Variants in FAM178B observed in about 807,000 individuals in gnomAD.
The protein encoded by FAM178B is family with sequence similarity 178 member B, also known as protein FAM178B.
In FAM178B, 82 loss-of-function variants were observed where a neutral mutation model predicts 91.7. The ratio of observed to expected loss-of-function variants is 0.89; its 90% confidence interval spans 0.75 to 1.07. The LOEUF (loss-of-function observed/expected upper bound fraction) is 1.07, where lower values mean the gene tolerates loss of function less well. Among genes scored for constraint, FAM178B ranks in the 50% least tolerant of loss-of-function variants. The probability of loss-of-function intolerance (pLI) is 0.00; values close to 1 mark genes in which losing one functional copy is unlikely to be tolerated. For missense variants in FAM178B, 769 were observed against 846.7 expected (o/e 0.91, Z 1.14); for synonymous variants, 368 against 359.4 (o/e 1.02, Z -0.27).
At chr2:96,935,944 A>C (rs2081618539) in intron 8 of FAM178B, among the ~76,000 whole-genome samples, 1 of 150,454 alleles carries the variant, frequency 6.6e-6, no homozygotes, top group Non-Finnish European at 1.5e-5. Context: ...CCATTTGTTA[A>C]AATCCATAGA....
chr2:96,896,658 C>G lies in FAM178B; in HGVS notation c.1651-2607G>C, dbSNP rs145645651. Among the ~76,000 whole-genome samples, 402 of 152,270 alleles carry G rather than the reference C, an allele frequency of 2.6e-3. 4 individuals carry two copies. Among genetic ancestry groups the G allele is most frequent in the African/African-American group, 9.3e-3 (388 of 41,562 alleles). ...GCAACTGGCCACACAGCATGTTGCT[C>G]CTGGGTGCAAATCCTGGCTTCCTCC... On this transcript the variant is annotated intron_variant, in intron 13 of 16. Transcript: ENST00000490605.
Position 96,876,086 on chromosome 2 carries a change from G to A in FAM178B, c.*190C>T, listed in dbSNP as rs925303318. Reference sequence around the variant, plus strand: ...TCCCTTGCTGAGAGGAGAGGGGGTCGGGGCGGTGGCAGAGGCAGGCTCTTG... The same window carrying A: ...TCCCTTGCTGAGAGGAGAGGGGGTCAGGGCGGTGGCAGAGGCAGGCTCTTG... On this transcript the variant is annotated 3_prime_UTR_variant, in exon 17 of 17. Transcript: ENST00000490605. 14 of 605,574 alleles carry A rather than the reference G, an allele frequency of 2.3e-5. No individual in the cohort carries two copies. The highest frequency in any genetic ancestry group is 3.2e-5 in the Non-Finnish European group (11 of 343,284). 37.5% of individuals were successfully genotyped at this position (605,574 alleles called of 1,614,324 possible).
At chr2:96,937,184 C>A (rs1349005424) in intron 8 of FAM178B, among the ~76,000 whole-genome samples, 1 of 152,202 alleles carries the variant, frequency 6.6e-6, no homozygotes, top group East Asian at 1.9e-4. Flanking sequence ...GTGTGAACCA[C>A]CACACCTGGC....
At chr2:96,979,210 C>T (rs960870198) in intron 1 of FAM178B, among the ~76,000 whole-genome samples, 6 of 150,550 alleles carry the variant, frequency 4.0e-5, no homozygotes, top group Non-Finnish European at 5.9e-5. Flanking sequence ...CTCCTGACCT[C>T]GTGATCTGCC....
intron 14 of FAM178B, among the ~76,000 whole-genome samples, chr2:96,889,480 A>C (rs1408688107): frequency 6.6e-6 from 1 of 151,920 alleles, no homozygotes; most frequent in Non-Finnish European, 1.5e-5. Flanking sequence ...GGAGTTTGAG[A>C]CCAGCCCGGC....
At chr2:96,957,548 C>T (rs1438230033) in intron 6 of FAM178B, among the ~76,000 whole-genome samples, 1 of 152,246 alleles carries the variant, frequency 6.6e-6, no homozygotes, top group Admixed American at 6.5e-5. Context: ...TTTGGCAGGC[C>T]TGCTCTGATC....
intron 1 of FAM178B, chr2:96,978,008 G>A (rs1287578195): frequency 1.9e-5 from 8 of 418,570 alleles, no homozygotes; most frequent in Admixed American, 5.6e-5. Flanking sequence ...AGGAGAAAAC[G>A]TCATTGCTAA....
chr2:96,986,173 AG>A, intron 1 of FAM178B, 67 bp downstream of exon 1: 3 of 1,530,112 alleles, frequency 2.0e-6, no homozygotes, highest in African/African-American at 1.4e-5. Flanking sequence ...CAGGAGTCCC[AG>A]GGAAGTCGAG....
intron 1 of FAM178B, chr2:96,977,666 A>G (rs2082309124): frequency 2.8e-6 from 1 of 354,858 alleles, no homozygotes; most frequent in African/African-American, 2.1e-5. Context: ...CACCAAGAAG[A>G]ATTCCATACA....
intron 9 of FAM178B, among the ~76,000 whole-genome samples, chr2:96,925,666 C>A (rs1454762346): frequency 6.6e-6 from 1 of 152,124 alleles, no homozygotes; most frequent in Admixed American, 6.5e-5. Context: ...TCACTGGTCC[C>A]ACGCCTGGCT....
chr2:96,903,153 C>T (rs964736643), intron 12 of FAM178B, among the ~76,000 whole-genome samples: 1 of 152,222 alleles, frequency 6.6e-6, no homozygotes, highest in Admixed American at 6.5e-5. Context: ...CATTCTCCTG[C>T]CTCAGCCTCC....
At chr2:96,886,132 G>A (rs369934748) in intron 14 of FAM178B, among the ~76,000 whole-genome samples, 2 of 152,182 alleles carry the variant, frequency 1.3e-5, no homozygotes, top group Admixed American at 6.5e-5. Context: ...TGAACCACAG[G>A]GATGCTGCAC....
At chr2:96,923,037 C>G (rs1208086654) in intron 10 of FAM178B, among the ~76,000 whole-genome samples, 1 of 152,172 alleles carries the variant, frequency 6.6e-6, no homozygotes, top group African/African-American at 2.4e-5. Flanking sequence ...GGTGCCATCT[C>G]GGCTCACTAC....
intron 14 of FAM178B, among the ~76,000 whole-genome samples, chr2:96,888,812 G>T (rs1449792062): frequency 6.6e-6 from 1 of 152,198 alleles, no homozygotes; most frequent in African/African-American, 2.4e-5. Flanking sequence ...TACTCAGAAT[G>T]AGCATGAACG....
At chr2:96,900,087 T>C (rs1484595031) in intron 13 of FAM178B, among the ~76,000 whole-genome samples, 1 of 151,992 alleles carries the variant, frequency 6.6e-6, no homozygotes, top group Non-Finnish European at 1.5e-5. Flanking sequence ...TGAAGCAAAA[T>C]GCCAAGCCTT....
intron 4 of FAM178B, among the ~76,000 whole-genome samples, chr2:96,968,076 T>C (rs1235861016): frequency 6.6e-6 from 1 of 151,580 alleles, no homozygotes; most frequent in Non-Finnish European, 1.5e-5. Flanking sequence ...AGGCAAGCAC[T>C]CGGATTCGTT....
intron 5 of FAM178B, 90 bp from the exon 6 acceptor site, chr2:96,960,530 G>A: frequency 2.9e-6 from 4 of 1,386,294 alleles, no homozygotes; most frequent in Non-Finnish European, 3.9e-6. Flanking sequence ...ATAGAGGGGG[G>A]CCACGGGCTC....
Position 96,974,617 on chromosome 2 carries a change from AT to A in FAM178B, c.74-2012del. Among the ~76,000 whole-genome samples the A allele has an allele frequency of 1.3e-5, 2 of 152,222 alleles. 1 individual carries two copies. Among genetic ancestry groups the A allele is most frequent in the Non-Finnish European group, 2.9e-5 (2 of 68,044 alleles). ...TTAAAAAACATGATTCAACTACATT[AT>A]GATATGTGGAAGACACAAATAGGTT... On this transcript the variant is annotated intron_variant, in intron 1 of 16. Transcript: ENST00000490605.
intron 9 of FAM178B, among the ~76,000 whole-genome samples, chr2:96,927,416 A>G (rs978895178): frequency 3.9e-5 from 6 of 152,132 alleles, no homozygotes; most frequent in Admixed American, 3.9e-4. Flanking sequence ...AATGGTGTCA[A>G]CGCCAGGCCA....
Sources: allele counts gnomAD v4.1 joint callset (sites outside exome capture counted in the v4.1 genomes callset), GRCh38; gene constraint gnomAD v4.1.1; transcripts MANE v1.5; gene names NCBI Gene and HGNC (gene_info 2026-07-23, HGNC 2026-07-21).